Variants in CXCL13 observed in about 807,000 individuals in gnomAD.
The protein encoded by CXCL13 is C-X-C motif chemokine 13.
In CXCL13, 7 loss-of-function variants were observed where a neutral mutation model predicts 12.2. The observed-to-expected ratio is 0.57, with a 90% CI of 0.33 to 1.07. CXCL13 has a LOEUF of 1.07. Among genes scored for constraint, CXCL13 ranks in the 50% least tolerant of loss-of-function variants. The probability of loss-of-function intolerance (pLI) is 0.04; values close to 1 mark genes in which losing one functional copy is unlikely to be tolerated. For synonymous variants in CXCL13, 47 were observed against 42.4 expected (o/e 1.11, Z -0.42); for missense variants, 113 against 127.4 (o/e 0.89, Z 0.55).
At chr4:77,542,652 G>T (rs957581680) in intron 1 of CXCL13, among the ~76,000 whole-genome samples, 2 of 152,088 alleles carry the variant, frequency 1.3e-5, no homozygotes, top group Non-Finnish European at 2.9e-5. Context: ...TTCTGTTTAC[G>T]TGGTGAATCA....
At chr4:77,522,308 T>A (rs1724622056) in intron 1 of CXCL13, among the ~76,000 whole-genome samples, 1 of 152,070 alleles carries the variant, frequency 6.6e-6, no homozygotes, top group Non-Finnish European at 1.5e-5. Flanking sequence ...ATCATTATTT[T>A]GTGGGAGTCT....
intron 1 of CXCL13, among the ~76,000 whole-genome samples, chr4:77,553,309 C>T (rs1450153936): frequency 6.6e-6 from 1 of 152,246 alleles, no homozygotes; most frequent in Non-Finnish European, 1.5e-5. Flanking sequence ...AGAGCATGTG[C>T]TCCAATCTGT....
chr4:77,576,636 G>C (rs1404870082), intron 1 of CXCL13, among the ~76,000 whole-genome samples: 1 of 152,050 alleles, frequency 6.6e-6, no homozygotes, highest in Admixed American at 6.5e-5. Context: ...CTTAAGAGGA[G>C]AGGATTACCC....
Position 77,568,278 on chromosome 4 carries a change from A to T in CXCL13, c.-42-37546A>T, listed in dbSNP as rs553808993. Among the ~76,000 whole-genome samples the T allele has an allele frequency of 3.9e-5, 6 of 152,270 alleles. 1 individual carries two copies. In the South Asian group the frequency reaches 6.2e-4, roughly 16 times the overall value. On this transcript the variant is annotated intron_variant, in intron 1 of 4. Transcript: ENST00000286758. ...TTCCTGTATTCTTTATTTTGGACAGATGGAGAAGTGGCCACGAGACTTCTA... is the reference window on the plus strand; with the variant it reads ...TTCCTGTATTCTTTATTTTGGACAGTTGGAGAAGTGGCCACGAGACTTCTA...
intron 1 of CXCL13, among the ~76,000 whole-genome samples, chr4:77,570,860 T>A (rs1726057093): frequency 6.6e-6 from 1 of 151,936 alleles, no homozygotes; most frequent in Admixed American, 6.5e-5. Flanking sequence ...AGCCCACCGG[T>A]GCTGCGCTCG....
At chr4:77,579,528 C>T (rs1278874386) in intron 1 of CXCL13, among the ~76,000 whole-genome samples, 2 of 152,098 alleles carry the variant, frequency 1.3e-5, no homozygotes, top group Non-Finnish European at 2.9e-5. Context: ...ATTGGAGTCC[C>T]CAGAAGTCTA....
rs191076638 is a variant in CXCL13, at chr4:77,524,556, G to A, written c.-43+12768G>A. Among the ~76,000 whole-genome samples the A allele has an allele frequency of 3.4e-4, 52 of 152,320 alleles. 1 individual carries two copies. In the East Asian group the frequency reaches 5.4e-3, roughly 16 times the overall value. On this transcript the variant is annotated intron_variant, in intron 1 of 4. Coordinates refer to the CXCL13 transcript ENST00000286758. ...ATGGGAGAGAATCTTCTTGTCTGCC[G>A]GTGGCTAAGACCTCGGGAAAAGTTC...
intron 1 of CXCL13, among the ~76,000 whole-genome samples, chr4:77,534,579 C>A (rs1725013979): frequency 6.6e-6 from 1 of 152,156 alleles, no homozygotes; most frequent in Admixed American, 6.5e-5. Context: ...TAATAATTGT[C>A]AGATCTCTTT....
At chr4:77,541,585 A>G (rs897615337) in intron 1 of CXCL13, among the ~76,000 whole-genome samples, 2 of 152,098 alleles carry the variant, frequency 1.3e-5, no homozygotes, top group Admixed American at 6.6e-5. Context: ...CTGTTTTTGT[A>G]CCAGTACCAT....
chr4:77,566,484 A>AT (rs980509335), intron 1 of CXCL13, among the ~76,000 whole-genome samples: 4 of 152,058 alleles, frequency 2.6e-5, no homozygotes, highest in African/African-American at 9.7e-5. Context: ...TGGACCATAC[A>AT]TTTTTTTCTC....
intron 1 of CXCL13, among the ~76,000 whole-genome samples, chr4:77,544,758 T>C (rs1191465602): frequency 6.6e-6 from 1 of 152,282 alleles, no homozygotes; most frequent in African/African-American, 2.4e-5. Flanking sequence ...TAATTAGATC[T>C]CATTTGTCAA....
chr4:77,538,503 C>T (rs1725119992), intron 1 of CXCL13, among the ~76,000 whole-genome samples: 1 of 151,616 alleles, frequency 6.6e-6, no homozygotes, highest in Admixed American at 6.6e-5. Flanking sequence ...TCTCCACACC[C>T]ACCCTCAACT....
At chr4:77,563,241 AC>A (rs1341752240) in intron 1 of CXCL13, among the ~76,000 whole-genome samples, 1 of 152,090 alleles carries the variant, frequency 6.6e-6, no homozygotes, top group Admixed American at 6.5e-5. Context: ...AGTCAGTGAG[AC>A]CAAGAACCCA....
At chr4:77,562,914 G>C (rs576873375) in intron 1 of CXCL13, among the ~76,000 whole-genome samples, 1 of 152,154 alleles carries the variant, frequency 6.6e-6, no homozygotes, top group Non-Finnish European at 1.5e-5. Flanking sequence ...TGTGGGTGGG[G>C]CCAGATAAGG....
intron 1 of CXCL13, among the ~76,000 whole-genome samples, chr4:77,559,513 T>G (rs1159314628): frequency 1.3e-5 from 2 of 152,196 alleles, no homozygotes; most frequent in African/African-American, 4.8e-5. Flanking sequence ...TTCTTCATTC[T>G]GGGGAGAGTT....
intron 1 of CXCL13, among the ~76,000 whole-genome samples, chr4:77,572,991 A>C (rs979591969): frequency 6.6e-6 from 1 of 151,926 alleles, no homozygotes; most frequent in African/African-American, 2.4e-5. Context: ...GGAAAAAAAA[A>C]CTGAATACCA....
chr4:77,590,604 G>A (rs1726580714), intron 1 of CXCL13, among the ~76,000 whole-genome samples: 1 of 152,140 alleles, frequency 6.6e-6, no homozygotes, highest in African/African-American at 2.4e-5. Flanking sequence ...TTCTTTTTCT[G>A]CTCCTGTATA....
At chr4:77,557,397 G>A (rs555411326) in intron 1 of CXCL13, among the ~76,000 whole-genome samples, 2 of 152,156 alleles carry the variant, frequency 1.3e-5, no homozygotes, top group Non-Finnish European at 2.9e-5. Flanking sequence ...TTGGCCTCTG[G>A]AAACTGGACA....
At chr4:77,515,591 T>C (rs1003359536) in intron 1 of CXCL13, among the ~76,000 whole-genome samples, 4 of 152,186 alleles carry the variant, frequency 2.6e-5, no homozygotes, top group African/African-American at 7.2e-5. Flanking sequence ...AGTTCACTCA[T>C]GATTTGGCTC....
Sources: allele counts gnomAD v4.1 joint callset (sites outside exome capture counted in the v4.1 genomes callset), GRCh38; gene constraint gnomAD v4.1.1; transcripts MANE v1.5; gene names NCBI Gene and HGNC (gene_info 2026-07-23, HGNC 2026-07-21).